The following FBLN7 variants were observed in gnomAD, a reference collection of about 807,000 sequenced individuals.
FBLN7 encodes fibulin-7.
A neutral mutation model predicts 44.0 loss-of-function variants in FBLN7; 31 were observed. That is an observed-to-expected ratio of 0.70 (90% CI 0.53 to 0.95). The LOEUF is 0.95. Among genes scored for constraint, FBLN7 ranks in the 40% least tolerant of loss-of-function variants. FBLN7 has a pLI of 0.00. For synonymous variants in FBLN7, 262 were observed against 253.4 expected, an observed-to-expected ratio of 1.03 and a Z score of -0.32; for missense variants, 573 against 618.5, an observed-to-expected ratio of 0.93 and a Z score of 0.78.
At chr2:112,194,316 T>A in the FBLN7 span, among the ~76,000 whole-genome samples, 1 of 152,222 alleles carries the variant, frequency 6.6e-6, no homozygotes, top group Non-Finnish European at 1.5e-5. Context: ...CAAAAATTCA[T>A]CTTTCCTTCC....
chr2:112,153,362 G>A (rs1009000466), intron 1 of FBLN7: 4 of 152,192 alleles, frequency 2.6e-5, no homozygotes, highest in African/African-American at 4.8e-5. Context: ...AGAAACCAGC[G>A]TGGGAGACGG....
chr2:112,182,744 A>G (rs770544265), intron 5 of FBLN7, 47 bp from the exon 6 acceptor site: 22 of 1,544,392 alleles, frequency 1.4e-5, no homozygotes, highest in Non-Finnish European at 1.9e-5. Flanking sequence ...AGCTGGCAAC[A>G]CTTGCTGCAT....
the FBLN7 span, among the ~76,000 whole-genome samples, chr2:112,195,570 G>A: frequency 5.3e-5 from 8 of 152,304 alleles, no homozygotes; most frequent in South Asian, 1.7e-3. Flanking sequence ...CCAGCTCCCA[G>A]GGGGTGCCAG....
chr2:112,224,881 T>G, the FBLN7 span, among the ~76,000 whole-genome samples: 1 of 152,220 alleles, frequency 6.6e-6, no homozygotes, highest in Non-Finnish European at 1.5e-5. Context: ...GAATGTCCTA[T>G]TTATTGATTG....
At chr2:112,194,223 T>C in the FBLN7 span, among the ~76,000 whole-genome samples, 52 of 152,322 alleles carry the variant, frequency 3.4e-4, no homozygotes, top group African/African-American at 1.3e-3. Flanking sequence ...TAGAACAGTG[T>C]GTGTAGGACA....
chr2:112,151,944 AT>A (rs1558872640), intron 1 of FBLN7: 4 of 152,214 alleles, frequency 2.6e-5, no homozygotes, highest in Admixed American at 6.5e-5. Flanking sequence ...AGCAGGTGAA[AT>A]GGGGAAAGTG....
chr2:112,234,072 A>G, the FBLN7 span: 1 of 1,072,482 alleles, frequency 9.3e-7, no homozygotes, highest in Non-Finnish European at 1.3e-6. Flanking sequence ...ATCAAACAGA[A>G]AGAGCAGTTT....
At chr2:112,166,314 G>A (rs868565184) in intron 3 of FBLN7, among the ~76,000 whole-genome samples, 2 of 152,214 alleles carry the variant, frequency 1.3e-5, no homozygotes. Flanking sequence ...GCCTCCCAAA[G>A]TGCTGGGATT....
chr2:112,215,759 A>G, the FBLN7 span: 1 of 152,234 alleles, frequency 6.6e-6, no homozygotes, highest in South Asian at 2.1e-4. Context: ...ACACTCCTAA[A>G]GTTTGTAACT....
chr2:112,229,791 G>A, the FBLN7 span, among the ~76,000 whole-genome samples: 2 of 151,894 alleles, frequency 1.3e-5, no homozygotes, highest in Admixed American at 6.6e-5. Context: ...AAATATAAAC[G>A]TATACAGCAA....
chr2:112,164,376 G>A (rs1213780862), intron 2 of FBLN7, among the ~76,000 whole-genome samples: 2 of 152,198 alleles, frequency 1.3e-5, no homozygotes, highest in African/African-American at 4.8e-5. Flanking sequence ...AGGACTGACC[G>A]CATATCTAGA....
At chr2:112,205,777 T>C in the FBLN7 span, among the ~76,000 whole-genome samples, 4 of 151,892 alleles carry the variant, frequency 2.6e-5, no homozygotes, top group Admixed American at 2.0e-4. Flanking sequence ...TTTATTCTTT[T>C]AAAAAAAATG....
intron 4 of FBLN7, chr2:112,178,129 C>G (rs1474231925): frequency 6.6e-6 from 1 of 151,984 alleles, no homozygotes; most frequent in Non-Finnish European, 1.5e-5. Context: ...GATCGTGCCA[C>G]TGCACTCCAG....
At chr2:112,156,759 C>T (rs932332365) in intron 1 of FBLN7, among the ~76,000 whole-genome samples, 4 of 152,184 alleles carry the variant, frequency 2.6e-5, no homozygotes, top group African/African-American at 9.7e-5. Flanking sequence ...CAGGAGCCCC[C>T]GGGATTAACG....
At chr2:112,208,400 C>G in the FBLN7 span, among the ~76,000 whole-genome samples, 5 of 151,662 alleles carry the variant, frequency 3.3e-5, no homozygotes, top group African/African-American at 1.2e-4. Context: ...GACTCCATCT[C>G]AAAACACAAA....
chr2:112,239,145 G>A, the FBLN7 span, among the ~76,000 whole-genome samples: 1 of 152,184 alleles, frequency 6.6e-6, no homozygotes, highest in Non-Finnish European at 1.5e-5. Context: ...CTCTGTTGTT[G>A]CACGTGCCCA....
the FBLN7 span, among the ~76,000 whole-genome samples, chr2:112,228,663 T>C: frequency 6.6e-6 from 1 of 152,170 alleles, no homozygotes; most frequent in African/African-American, 2.4e-5. Flanking sequence ...AGAGCACATC[T>C]TGTGACTTTG....
chr2:112,183,325 G>A (rs548433911), intron 6 of FBLN7, among the ~76,000 whole-genome samples: 21 of 152,296 alleles, frequency 1.4e-4, no homozygotes, highest in Middle Eastern at 3.4e-3. Context: ...CCACCTGTAA[G>A]TCCACCTCTG....
At chr2:112,159,883 C>CA in intron 2 of FBLN7, 48 bp downstream of exon 2, 1 of 1,450,848 alleles carries the variant, frequency 6.9e-7, no homozygotes, top group Non-Finnish European at 9.1e-7. Context: ...AGCACTCGAG[C>CA]ACTCTCCCCG....
Sources: gnomAD v4.1 joint callset for allele counts (sites outside exome capture counted in the v4.1 genomes callset) on GRCh38, gnomAD v4.1.1 for gene constraint, MANE v1.5 for transcripts, NCBI Gene and HGNC (gene_info 2026-07-23, HGNC 2026-07-21) for gene names.